CCSER1: variants seen among roughly 807,000 people sequenced by gnomAD.
The protein encoded by CCSER1 is coiled-coil serine rich protein 1.
Under a neutral mutation model 82.0 loss-of-function variants are expected in CCSER1, and 41 were observed. That is an observed-to-expected ratio of 0.50 (90% CI 0.39 to 0.65). The LOEUF (loss-of-function observed/expected upper bound fraction) is 0.65, where lower values mean the gene tolerates loss of function less well. CCSER1 is among the 30% of genes least tolerant of loss of function. CCSER1 has a pLI of 0.00. For synonymous variants in CCSER1, 414 were observed against 383.9 expected (o/e 1.08, Z -0.92); for missense variants, 1,119 against 1,064.2 (o/e 1.05, Z -0.72).
At chr4:90,617,173 A>G (rs2148857003) in intron 5 of CCSER1, among the ~76,000 whole-genome samples, 1 of 152,298 alleles carries the variant, frequency 6.6e-6, no homozygotes, top group South Asian at 2.1e-4. Flanking sequence ...AAAACAACGT[A>G]GTACGATTAT....
chr4:91,268,511 C>G (rs978085683), intron 10 of CCSER1, among the ~76,000 whole-genome samples: 1 of 152,190 alleles, frequency 6.6e-6, no homozygotes, highest in African/African-American at 2.4e-5. Flanking sequence ...GTTTTCACTG[C>G]ACTACCTTCA....
At chr4:90,567,334 A>G (rs1464466813) in intron 5 of CCSER1, among the ~76,000 whole-genome samples, 1 of 144,130 alleles carries the variant, frequency 6.9e-6, no homozygotes. Flanking sequence ...GACGGAGCCC[A>G]GGCTGGAGCG....
intron 6 of CCSER1, among the ~76,000 whole-genome samples, chr4:90,658,753 A>G (rs1330349546): frequency 6.6e-6 from 1 of 152,214 alleles, no homozygotes; most frequent in African/African-American, 2.4e-5. Context: ...GTGCGTGTAA[A>G]GAATCAATAA....
intron 5 of CCSER1, among the ~76,000 whole-genome samples, chr4:90,528,691 A>T (rs1272804486): frequency 6.6e-6 from 1 of 152,132 alleles, no homozygotes; most frequent in Non-Finnish European, 1.5e-5. Flanking sequence ...AACCAGTGAC[A>T]TTTTTTTCTA....
chr4:91,456,937 T>C (rs1756212228), intron 10 of CCSER1, among the ~76,000 whole-genome samples: 1 of 152,162 alleles, frequency 6.6e-6, no homozygotes, highest in African/African-American at 2.4e-5. Flanking sequence ...GCCTGAGTAA[T>C]TCTTTCGTGT....
chr4:90,711,236 A>T (rs1740552493), intron 6 of CCSER1, among the ~76,000 whole-genome samples: 1 of 152,098 alleles, frequency 6.6e-6, no homozygotes, highest in Admixed American at 6.6e-5. Flanking sequence ...TAGTGCTGAT[A>T]TGGTTGGGTT....
chr4:91,114,105 G>T (rs1726342482), intron 10 of CCSER1, among the ~76,000 whole-genome samples: 1 of 152,168 alleles, frequency 6.6e-6, no homozygotes, highest in African/African-American at 2.4e-5. Context: ...GCCCGTCTCG[G>T]CCTCCCGAAG....
intron 10 of CCSER1, among the ~76,000 whole-genome samples, chr4:91,118,303 T>G (rs1314012732): frequency 2.7e-5 from 4 of 149,978 alleles, no homozygotes; most frequent in Admixed American, 1.3e-4. Flanking sequence ...TTTTTTTTTT[T>G]GAGACGAGGT....
At chr4:90,735,688 G>A (rs1268309864) in intron 7 of CCSER1, among the ~76,000 whole-genome samples, 1 of 151,888 alleles carries the variant, frequency 6.6e-6, no homozygotes, top group Non-Finnish European at 1.5e-5. Context: ...ATTGGTATGG[G>A]CTTTCTCTCT....
intron 10 of CCSER1, among the ~76,000 whole-genome samples, chr4:91,252,226 T>A (rs1740310775): frequency 6.6e-6 from 1 of 152,142 alleles, no homozygotes; most frequent in Non-Finnish European, 1.5e-5. Flanking sequence ...TAATTCTATA[T>A]CTGGCAAAAC....
At chr4:90,383,140 A>G (rs1299653014) in intron 3 of CCSER1, among the ~76,000 whole-genome samples, 1 of 152,164 alleles carries the variant, frequency 6.6e-6, no homozygotes, top group Non-Finnish European at 1.5e-5. Context: ...TATAAAAGTC[A>G]TAGAATATAA....
intron 10 of CCSER1, among the ~76,000 whole-genome samples, chr4:91,128,454 A>G (rs1459595203): frequency 6.6e-6 from 1 of 152,102 alleles, no homozygotes; most frequent in East Asian, 1.9e-4. Flanking sequence ...GACCCCCATT[A>G]AACAAAAAGA....
chr4:90,319,849 A>G (rs1243361885), intron 3 of CCSER1, among the ~76,000 whole-genome samples: 1 of 152,210 alleles, frequency 6.6e-6, no homozygotes, highest in East Asian at 1.9e-4. Context: ...ATAAAAATGG[A>G]AGCCATTAAT....
Position 90,723,473 on chromosome 4 carries a change from A to G in CCSER1, c.1933-441A>G, listed in dbSNP as rs528666447. Among the ~76,000 whole-genome samples the G allele has an allele frequency of 5.8e-4, 88 of 152,036 alleles. No individual in the cohort carries two copies. The South Asian group carries it at 7.7e-3, about 13-fold the overall frequency. ...ATATTATGGCAGATTGGTTTACATA[A>G]TGAAAAAAATGGTTGCAATGATTTA... is the stretch of plus-strand genomic sequence containing the variant. On this transcript the variant is annotated intron_variant, in intron 6 of 10. Coordinates refer to ENST00000509176, the MANE Select transcript of CCSER1 (RefSeq NM_001145065.2).
At chr4:90,664,379 A>T (rs1407580600) in intron 6 of CCSER1, among the ~76,000 whole-genome samples, 2 of 152,152 alleles carry the variant, frequency 1.3e-5, no homozygotes, top group Non-Finnish European at 2.9e-5. Context: ...ATGTGTTCTC[A>T]CAGGATAAAC....
At chr4:91,056,857 G>T (rs1195165669) in intron 9 of CCSER1, among the ~76,000 whole-genome samples, 3 of 152,138 alleles carry the variant, frequency 2.0e-5, no homozygotes, top group Non-Finnish European at 2.9e-5. Context: ...CATGTGTAGT[G>T]ACTTTCTAAT....
At chr4:90,791,453 C>T (rs918638079) in intron 7 of CCSER1, among the ~76,000 whole-genome samples, 5 of 152,180 alleles carry the variant, frequency 3.3e-5, no homozygotes, top group African/African-American at 1.2e-4. Context: ...CCTGATCAGT[C>T]AACAGCCATC....
intron 6 of CCSER1, among the ~76,000 whole-genome samples, chr4:90,651,059 G>A (rs6839598): frequency 0.18 from 26,726 of 152,082 alleles, 2,605 homozygotes; most frequent in African/African-American, 0.27. Flanking sequence ...TTGAATAATA[G>A]TAGATGAGAA....
chr4:91,201,592 A>G (rs1735903802), intron 10 of CCSER1, among the ~76,000 whole-genome samples: 1 of 152,060 alleles, frequency 6.6e-6, no homozygotes, highest in African/African-American at 2.4e-5. Context: ...ATTGTATTTT[A>G]CACTGCAAAA....
Sources: allele counts gnomAD v4.1 joint callset (sites outside exome capture counted in the v4.1 genomes callset), GRCh38; gene constraint gnomAD v4.1.1; transcripts MANE v1.5; gene names NCBI Gene and HGNC (gene_info 2026-07-23, HGNC 2026-07-21).